Variants in DPP10 observed in about 807,000 individuals in gnomAD.
DPP10 encodes the protein inactive dipeptidyl peptidase 10.
A neutral mutation model predicts 120.9 loss-of-function variants in DPP10; 33 were observed. That is an observed-to-expected ratio of 0.27 (90% CI 0.21 to 0.37). DPP10 has a LOEUF of 0.37. Ranked by LOEUF, DPP10 falls within the 10% of genes least tolerant of loss-of-function variation. DPP10 has a pLI of 1.00. For missense variants in DPP10, 816 were observed against 942.8 expected (o/e 0.87, Z 1.76); for synonymous variants, 337 against 326.1 (o/e 1.03, Z -0.36).
chr2:115,059,677 C>T (rs1306702282), intron 1 of DPP10, among the ~76,000 whole-genome samples: 5 of 99,722 alleles, frequency 5.0e-5, no homozygotes, highest in Non-Finnish European at 7.7e-5. Context: ...CATTAGTGAC[C>T]TCAACAGGAA....
rs1684311785 is a variant in DPP10, at chr2:114,513,350, GTC to G, written c.60+70516_60+70517del. The stretch of plus-strand genomic sequence containing the variant: ...AGCCTGACCAACATGGTGAAACCCT[GTC>G]TCTACTAAAAATACAAAAATTAGCC... On this transcript the variant is annotated intron_variant, in intron 1 of 25. Transcript: ENST00000410059. 1.3e-5 allele frequency among the ~76,000 whole-genome samples: 2 copies of G among 151,700 alleles called. 1 individual carries two copies. Among genetic ancestry groups the G allele is most frequent in the South Asian group, 4.2e-4 (2 of 4,798 alleles).
chr2:114,567,714 A>G lies in DPP10; in HGVS notation c.60+124876A>G, dbSNP rs183178778. 2.3e-3 allele frequency among the ~76,000 whole-genome samples: 352 copies of G among 152,278 alleles called. 2 individuals are homozygous for G. Among genetic ancestry groups the G allele is most frequent in the Non-Finnish European group, 4.5e-3 (309 of 68,012 alleles). Reference sequence around the variant, plus strand: ...CAATATGCCCATGAAAGTTAAAAGAATGTGTCCAGAGCTGGAAGGCATTAT... The same window carrying G: ...CAATATGCCCATGAAAGTTAAAAGAGTGTGTCCAGAGCTGGAAGGCATTAT... On this transcript the variant is annotated intron_variant, in intron 1 of 25. Coordinates refer to ENST00000410059, the MANE Select transcript of DPP10 (RefSeq NM_020868.6).
At chr2:114,976,570 T>C (rs1268342778) in intron 1 of DPP10, among the ~76,000 whole-genome samples, 1 of 152,234 alleles carries the variant, frequency 6.6e-6, no homozygotes, top group Non-Finnish European at 1.5e-5. Flanking sequence ...AATCATACTT[T>C]CCTTTTTAAA....
chr2:115,271,890 A>C (rs2059713659), intron 1 of DPP10, among the ~76,000 whole-genome samples: 1 of 152,332 alleles, frequency 6.6e-6, no homozygotes, highest in Admixed American at 6.5e-5. Context: ...AAAAATTTTC[A>C]TGAGTTCCAT....
chr2:114,721,964 A>C (rs139417191), intron 1 of DPP10, among the ~76,000 whole-genome samples: 91 of 152,346 alleles, frequency 6.0e-4, no homozygotes, highest in African/African-American at 2.1e-3. Context: ...CAGCAAGTAC[A>C]TTATAGTGTA....
intron 1 of DPP10, among the ~76,000 whole-genome samples, chr2:115,133,341 T>G (rs1485792280): frequency 6.6e-6 from 1 of 151,346 alleles, no homozygotes; most frequent in Non-Finnish European, 1.5e-5. Context: ...AAAAACAAAT[T>G]GGCCAGGAAC....
intron 3 of DPP10, among the ~76,000 whole-genome samples, chr2:115,394,364 C>G (rs1480056567): frequency 2.0e-5 from 3 of 150,104 alleles, no homozygotes; most frequent in Non-Finnish European, 2.9e-5. Context: ...GCCCAGGTTT[C>G]TGTTCTTGGA....
rs567085600 is a variant in DPP10 at position 114,534,504 on chromosome 2, T to C, written c.60+91666T>C. 3.9e-5 allele frequency among the ~76,000 whole-genome samples: 6 copies of C among 152,286 alleles called. No individual in the cohort carries two copies. The East Asian group carries it at 9.7e-4, about 25-fold the overall frequency. ...ATGCTCCAGTGTCTTTGGTAATTTT[T>C]CCTTGTGCTGCTCAGATTTCCCAGA... is the stretch of plus-strand genomic sequence containing the variant. On this transcript the variant is annotated intron_variant, in intron 1 of 25. Transcript: ENST00000410059.
At chr2:114,709,134 A>C (rs1272855316) in intron 1 of DPP10, among the ~76,000 whole-genome samples, 1 of 152,152 alleles carries the variant, frequency 6.6e-6, no homozygotes, top group Non-Finnish European at 1.5e-5. Context: ...CCAGGCTCCT[A>C]TGTCAGCTGC....
chr2:115,055,800 T>C (rs1217719493), intron 1 of DPP10, among the ~76,000 whole-genome samples: 2 of 152,288 alleles, frequency 1.3e-5, no homozygotes, highest in Non-Finnish European at 1.5e-5. Context: ...AATTTTGTAA[T>C]TGAATTCATT....
At chr2:115,352,787 A>G (rs144474752) in intron 3 of DPP10, among the ~76,000 whole-genome samples, 3 of 152,260 alleles carry the variant, frequency 2.0e-5, no homozygotes, top group African/African-American at 7.2e-5. Flanking sequence ...GAGTTGCAAG[A>G]AATACTCAGT....
intron 1 of DPP10, among the ~76,000 whole-genome samples, chr2:114,790,841 C>T (rs539542718): frequency 6.6e-6 from 1 of 152,178 alleles, no homozygotes; most frequent in South Asian, 2.1e-4. Context: ...TTTTGTGATT[C>T]TTCAGTTACT....
At chr2:115,547,169 A>G (rs1212275586) in intron 5 of DPP10, among the ~76,000 whole-genome samples, 1 of 152,146 alleles carries the variant, frequency 6.6e-6, no homozygotes, top group Non-Finnish European at 1.5e-5. Flanking sequence ...CAAGACATGA[A>G]TGATAACTTA....
intron 1 of DPP10, among the ~76,000 whole-genome samples, chr2:114,715,145 C>CT (rs1344729691): frequency 6.6e-6 from 1 of 151,824 alleles, no homozygotes; most frequent in Non-Finnish European, 1.5e-5. Context: ...GAAACAGGCT[C>CT]TATGAAAGGA....
At chr2:114,857,189 C>A (rs1439279035) in intron 1 of DPP10, among the ~76,000 whole-genome samples, 1 of 152,118 alleles carries the variant, frequency 6.6e-6, no homozygotes, top group Non-Finnish European at 1.5e-5. Flanking sequence ...CTAGTGCATC[C>A]AATAGAGCTT....
intron 4 of DPP10, among the ~76,000 whole-genome samples, chr2:115,504,275 C>CTT (rs5833604): frequency 0.072 from 9,515 of 131,552 alleles, 457 homozygotes; most frequent in South Asian, 0.097. Flanking sequence ...CTATTGCCAA[C>CTT]TTTTTTTTTT....
At chr2:115,402,842 G>GAAAA (rs1553584302) in intron 3 of DPP10, among the ~76,000 whole-genome samples, 65 of 38,486 alleles carry the variant, frequency 1.7e-3, no homozygotes, top group Middle Eastern at 0.015. Flanking sequence ...ACACTACAAG[G>GAAAA]AAAAAAAAAA....
chr2:115,071,536 A>G (rs747441505), intron 1 of DPP10, among the ~76,000 whole-genome samples: 9 of 152,218 alleles, frequency 5.9e-5, no homozygotes, highest in African/African-American at 2.4e-5. Context: ...CAATCATGAC[A>G]AATGAGGGTT....
chr2:114,660,797 T>C (rs569671436), intron 1 of DPP10, among the ~76,000 whole-genome samples: 18 of 152,216 alleles, frequency 1.2e-4, no homozygotes, highest in Admixed American at 1.2e-3. Flanking sequence ...GGCTCTCAAA[T>C]AATTTTAATT....
Sources: gnomAD v4.1 joint callset for allele counts (sites outside exome capture counted in the v4.1 genomes callset) on GRCh38, gnomAD v4.1.1 for gene constraint, MANE v1.5 for transcripts, NCBI Gene and HGNC (gene_info 2026-07-23, HGNC 2026-07-21) for gene names.